Variants in TMEM117 observed in about 807,000 individuals in gnomAD.
TMEM117 encodes the protein transmembrane protein 117.
TMEM117 carries 27 observed loss-of-function variants against 52.4 expected under a neutral mutation model. That is an observed-to-expected ratio of 0.51 (90% CI 0.38 to 0.71). The LOEUF (loss-of-function observed/expected upper bound fraction) is 0.71. Ranked by LOEUF, TMEM117 falls within the 30% of genes least tolerant of loss-of-function variation. TMEM117 has a pLI of 0.00. For missense variants in TMEM117, 556 were observed against 630.5 expected, an observed-to-expected ratio of 0.88 and a Z score of 1.26; for synonymous variants, 215 against 206.3, an observed-to-expected ratio of 1.04 and a Z score of -0.36.
chr12:43,799,285 A>G, the TMEM117 span: 4 of 639,336 alleles, frequency 6.3e-6, no homozygotes, highest in East Asian at 8.9e-5. Context: ...AACGGAATAA[A>G]CCTAAGCTAC....
the TMEM117 span, among the ~76,000 whole-genome samples, chr12:44,397,912 G>A: frequency 6.6e-6 from 1 of 152,238 alleles, no homozygotes. Context: ...CAAAACGTTA[G>A]ACAAGAAGTG....
At chr12:44,352,305 T>C (rs1164180205) in intron 6 of TMEM117, among the ~76,000 whole-genome samples, 3 of 152,168 alleles carry the variant, frequency 2.0e-5, no homozygotes, top group African/African-American at 7.2e-5. Flanking sequence ...TTTTAAATTT[T>C]ATTATTATAC....
chr12:44,095,386 C>G (rs1026392236), intron 3 of TMEM117, among the ~76,000 whole-genome samples: 2 of 151,860 alleles, frequency 1.3e-5, no homozygotes, highest in Admixed American at 1.3e-4. Flanking sequence ...GATTGGGAAG[C>G]CATTTTGTAT....
chr12:44,185,893 C>G (rs1166874510), intron 4 of TMEM117, among the ~76,000 whole-genome samples: 1 of 151,570 alleles, frequency 6.6e-6, no homozygotes, highest in African/African-American at 2.4e-5. Context: ...CACACACACA[C>G]ACACACACAC....
At chr12:43,896,674 C>T (rs757944407) in intron 2 of TMEM117, among the ~76,000 whole-genome samples, 19 of 151,658 alleles carry the variant, frequency 1.3e-4, no homozygotes, top group Admixed American at 2.0e-4. Context: ...GACATTTTTT[C>T]TCAGGCCATG....
At chr12:44,041,314 T>C (rs1035420566) in intron 3 of TMEM117, among the ~76,000 whole-genome samples, 1 of 144,406 alleles carries the variant, frequency 6.9e-6, no homozygotes, top group African/African-American at 2.6e-5. Flanking sequence ...CTCAGTATTC[T>C]TGAGCTACAT....
intron 4 of TMEM117, among the ~76,000 whole-genome samples, chr12:44,189,347 C>G (rs1155808): frequency 0.26 from 39,790 of 151,974 alleles, 9,254 homozygotes; most frequent in African/African-American, 0.63. Context: ...ATATTTCTCT[C>G]TTCAGTATGA....
chr12:44,000,746 A>C (rs1411273610), intron 3 of TMEM117, among the ~76,000 whole-genome samples: 1 of 152,142 alleles, frequency 6.6e-6, no homozygotes, highest in South Asian at 2.1e-4. Context: ...TCCCTGCTAC[A>C]TCATTTCAGG....
chr12:44,388,162 C>G lies in TMEM117; in HGVS notation c.1035C>G (p.Asp345Glu). The G allele has an allele frequency of 6.2e-7, 1 of 1,613,148 alleles. No individual in the cohort carries two copies. Residue 345 changes from aspartate to glutamate, a missense_variant, in exon 8 of 8, where the codon GAC becomes GAG. Physicochemically the swap from Asp to Glu is conservative, Grantham distance 45. This residue lies in a region of TMEM117 where 206 missense variants were observed against 211.1 expected (regional missense o/e 0.98). Transcript: ENST00000266534. Reference protein sequence around the residue: ...GPGQKIYTVKDSESLKDLNRT... With the variant: ...GPGQKIYTVKESESLKDLNRT... ...GGCAGAAGATATATACAGTGAAAGA[C>G]TCAGAAAGTTTAAAAGATTTGAACA...
upstream of TMEM117, among the ~76,000 whole-genome samples, chr12:43,835,714 C>T (rs985158887): frequency 3.3e-5 from 5 of 152,178 alleles, no homozygotes; most frequent in Non-Finnish European, 5.9e-5. Flanking sequence ...TCAGCCGCCC[C>T]CCAACCCCCA....
intron 3 of TMEM117, among the ~76,000 whole-genome samples, chr12:44,127,193 A>C (rs1233697158): frequency 1.3e-5 from 2 of 152,180 alleles, no homozygotes; most frequent in Non-Finnish European, 2.9e-5. Context: ...ATATTGTGTC[A>C]TATGTTGATA....
chr12:44,379,231 C>T (rs1488061535), intron 7 of TMEM117, among the ~76,000 whole-genome samples: 4 of 151,938 alleles, frequency 2.6e-5, no homozygotes, highest in African/African-American at 9.7e-5. Context: ...TGGCACACAC[C>T]TGTGGTCCTA....
At chr12:44,279,525 T>A (rs986122974) in intron 5 of TMEM117, among the ~76,000 whole-genome samples, 3 of 151,022 alleles carry the variant, frequency 2.0e-5, no homozygotes, top group Admixed American at 6.6e-5. Context: ...CTTTTTTTTT[T>A]TTTTTTGAGA....
chr12:43,975,525 A>C (rs1001494125), intron 3 of TMEM117, among the ~76,000 whole-genome samples: 1 of 152,194 alleles, frequency 6.6e-6, no homozygotes, highest in African/African-American at 2.4e-5. Flanking sequence ...GCTGACCATC[A>C]TGTAGCTGAT....
intron 3 of TMEM117, among the ~76,000 whole-genome samples, chr12:44,072,135 A>T (rs1441940928): frequency 6.6e-6 from 1 of 152,104 alleles, no homozygotes; most frequent in Admixed American, 6.5e-5. Flanking sequence ...TTTCCCATTT[A>T]TTCCAGTTTG....
intron 6 of TMEM117, among the ~76,000 whole-genome samples, chr12:44,326,754 A>C (rs956962333): frequency 1.3e-5 from 2 of 152,166 alleles, no homozygotes; most frequent in Non-Finnish European, 2.9e-5. Flanking sequence ...GCCCTTTGCA[A>C]TCCAGGCCTC....
chr12:43,812,099 A>G, the TMEM117 span, among the ~76,000 whole-genome samples: 2 of 152,172 alleles, frequency 1.3e-5, no homozygotes, highest in African/African-American at 4.8e-5. Context: ...AAAGTTTAAG[A>G]TTCTATCTGT....
chr12:44,248,139 G>A (rs143928349), intron 5 of TMEM117, among the ~76,000 whole-genome samples: 2 of 152,086 alleles, frequency 1.3e-5, no homozygotes, highest in African/African-American at 2.4e-5. Flanking sequence ...CCTCTCAATC[G>A]TGTGGTTCAG....
At position 44,220,999 on chromosome 12, in the gene TMEM117, CT is replaced by C. The variant is rs575612593; in HGVS notation, c.608+9614del. On this transcript the variant is annotated intron_variant, in intron 5 of 7. Coordinates refer to ENST00000266534, the MANE Select transcript of TMEM117 (RefSeq NM_032256.3). ...TATTCCTGTCCTCAAGATGGTGAAG[CT>C]TAACTCCCCACCCCTTGAGTATGAA... 2.0e-5 allele frequency among the ~76,000 whole-genome samples: 3 copies of C among 152,256 alleles called. No homozygotes were observed. The South Asian group carries it at 6.2e-4, about 32-fold the overall frequency.
Sources: allele counts gnomAD v4.1 joint callset (sites outside exome capture counted in the v4.1 genomes callset), GRCh38; gene constraint gnomAD v4.1.1; regional missense constraint gnomAD v4.1.1; transcripts MANE v1.5; gene names NCBI Gene and HGNC (gene_info 2026-07-23, HGNC 2026-07-21).